Variants in ZNF385B observed in about 807,000 individuals in gnomAD.
ZNF385B encodes zinc finger protein 533.
In ZNF385B, 23 loss-of-function variants were observed where a neutral mutation model predicts 39.2. The observed-to-expected ratio is 0.59, with a 90% CI of 0.42 to 0.83. The LOEUF is 0.83. Ranked by LOEUF, ZNF385B falls within the 40% of genes least tolerant of loss-of-function variation. The probability of loss-of-function intolerance (pLI) is 0.00; values close to 1 mark genes in which losing one functional copy is unlikely to be tolerated. For synonymous variants in ZNF385B, 205 were observed against 222.6 expected, an observed-to-expected ratio of 0.92 and a Z score of 0.70; for missense variants, 552 against 598.9, an observed-to-expected ratio of 0.92 and a Z score of 0.82.
chr2:179,705,924 T>TCTTCCCTCTCTCTGTCCCCTTTCTC (rs1699559910), intron 3 of ZNF385B, among the ~76,000 whole-genome samples: 1 of 152,232 alleles, frequency 6.6e-6, no homozygotes, highest in Non-Finnish European at 1.5e-5. Flanking sequence ...CAGATCATGT[T>TCTTCCCTCTCTCTGTCCCCTTTCTC]CTTCCCTCTC....
chr2:179,717,592 C>T (rs900159541), intron 3 of ZNF385B, among the ~76,000 whole-genome samples: 1 of 152,082 alleles, frequency 6.6e-6, no homozygotes, highest in African/African-American at 2.4e-5. Flanking sequence ...AGAAGCTAGC[C>T]AGGCTAGGTG....
chr2:179,478,937 G>A (rs2053701074), intron 6 of ZNF385B, among the ~76,000 whole-genome samples: 1 of 152,076 alleles, frequency 6.6e-6, no homozygotes, highest in African/African-American at 2.4e-5. Flanking sequence ...AACTCCAGGG[G>A]GAAATTTGGG....
intron 3 of ZNF385B, among the ~76,000 whole-genome samples, chr2:179,674,850 T>G (rs1416965365): frequency 6.6e-6 from 1 of 152,150 alleles, no homozygotes; most frequent in African/African-American, 2.4e-5. Flanking sequence ...GGAGAAAGCC[T>G]TATAACCCCC....
intron 3 of ZNF385B, among the ~76,000 whole-genome samples, chr2:179,556,123 G>A (rs1490460294): frequency 6.8e-6 from 1 of 147,602 alleles, no homozygotes; most frequent in African/African-American, 2.6e-5. Flanking sequence ...TGTGGCAATA[G>A]AATATGTACA....
chr2:179,780,725 A>G (rs1388209748), intron 1 of ZNF385B, among the ~76,000 whole-genome samples: 3 of 152,212 alleles, frequency 2.0e-5, no homozygotes, highest in Middle Eastern at 6.3e-3. Context: ...AGGTTTGCTG[A>G]CAATATGTAT....
chr2:179,701,855 T>C (rs753134184), intron 3 of ZNF385B, among the ~76,000 whole-genome samples: 4 of 152,164 alleles, frequency 2.6e-5, no homozygotes, highest in African/African-American at 4.8e-5. Flanking sequence ...AGAAAATAGG[T>C]ACATCTCTAG....
At chr2:179,520,835 C>T (rs1005792397) in intron 4 of ZNF385B, among the ~76,000 whole-genome samples, 3 of 152,104 alleles carry the variant, frequency 2.0e-5, no homozygotes, top group African/African-American at 7.2e-5. Context: ...TTGCCATATC[C>T]ATACACTAAT....
At chr2:179,467,148 A>G (rs1315298537) in intron 6 of ZNF385B, among the ~76,000 whole-genome samples, 1 of 152,082 alleles carries the variant, frequency 6.6e-6, no homozygotes, top group Non-Finnish European at 1.5e-5. Flanking sequence ...GCATAATTTT[A>G]CATCTGGTGG....
intron 5 of ZNF385B, among the ~76,000 whole-genome samples, chr2:179,511,948 T>C (rs1041557813): frequency 6.6e-6 from 1 of 152,178 alleles, no homozygotes; most frequent in South Asian, 2.1e-4. Context: ...CTCTAAGTGA[T>C]TCAATGTTTA....
chr2:179,488,138 ATTTCT>A (rs2054801147), intron 5 of ZNF385B, among the ~76,000 whole-genome samples: 1 of 151,720 alleles, frequency 6.6e-6, no homozygotes, highest in Non-Finnish European at 1.5e-5. Context: ...TACCTTACTT[ATTTCT>A]TTTCTTTTCT....
intron 6 of ZNF385B, among the ~76,000 whole-genome samples, chr2:179,478,344 A>G (rs759036422): frequency 2.0e-5 from 3 of 152,224 alleles, no homozygotes; most frequent in Non-Finnish European, 2.9e-5. Context: ...GCTATTTAGT[A>G]TAGATAATCA....
intron 3 of ZNF385B, among the ~76,000 whole-genome samples, chr2:179,545,491 A>G (rs2060175314): frequency 6.6e-6 from 1 of 152,194 alleles, no homozygotes; most frequent in Non-Finnish European, 1.5e-5. Context: ...TCTCTTAAAA[A>G]AAAAACAAAC....
intron 1 of ZNF385B, among the ~76,000 whole-genome samples, chr2:179,784,767 T>C (rs1384429841): frequency 2.0e-5 from 3 of 151,962 alleles, no homozygotes; most frequent in Non-Finnish European, 4.4e-5. Flanking sequence ...ACCAGAATGG[T>C]TAAAGTAAAA....
intron 4 of ZNF385B, among the ~76,000 whole-genome samples, chr2:179,544,618 G>T (rs532893451): frequency 2.6e-5 from 4 of 152,314 alleles, no homozygotes; most frequent in South Asian, 4.1e-4. Flanking sequence ...AATATTTTCT[G>T]TGGAAATATT....
chr2:179,691,832 T>C (rs769630181), intron 3 of ZNF385B, among the ~76,000 whole-genome samples: 1 of 152,136 alleles, frequency 6.6e-6, no homozygotes, highest in Non-Finnish European at 1.5e-5. Flanking sequence ...TTATTGTTTT[T>C]AAAATGTTTT....
chr2:179,831,903 A>G (rs1459712809), intron 1 of ZNF385B, among the ~76,000 whole-genome samples: 1 of 152,222 alleles, frequency 6.6e-6, no homozygotes, highest in African/African-American at 2.4e-5. Context: ...TTTCTGATTC[A>G]TGCATTTGGA....
At chr2:179,658,033 G>A (rs3106688) in intron 3 of ZNF385B, among the ~76,000 whole-genome samples, 1 of 152,118 alleles carries the variant, frequency 6.6e-6, no homozygotes, top group South Asian at 2.1e-4. Context: ...CAAATGAAGA[G>A]GTCATGGATA....
At chr2:179,772,398 T>C (rs1428727748) in intron 1 of ZNF385B, among the ~76,000 whole-genome samples, 2 of 151,884 alleles carry the variant, frequency 1.3e-5, no homozygotes, top group African/African-American at 4.8e-5. Flanking sequence ...TGCCTGGGGG[T>C]GGGGTATGCA....
intron 1 of ZNF385B, among the ~76,000 whole-genome samples, chr2:179,840,811 C>G (rs913743795): frequency 3.9e-5 from 6 of 152,172 alleles, no homozygotes; most frequent in African/African-American, 1.4e-4. Context: ...CATAGACTAA[C>G]ATTTCTCAAC....
Sources: allele counts gnomAD v4.1 joint callset (sites outside exome capture counted in the v4.1 genomes callset), GRCh38; gene constraint gnomAD v4.1.1; transcripts MANE v1.5; gene names NCBI Gene and HGNC (gene_info 2026-07-23, HGNC 2026-07-21).